Variants in PNLIPRP3 observed in about 807,000 individuals in gnomAD.
PNLIPRP3 encodes the protein pancreatic lipase-related protein 3.
In PNLIPRP3, 58 loss-of-function variants were observed where a neutral mutation model predicts 52.8. That is an observed-to-expected ratio of 1.10 (90% CI 0.89 to 1.37). The LOEUF (loss-of-function observed/expected upper bound fraction) is 1.37, where lower values mean the gene tolerates loss of function less well. Among genes scored for constraint, PNLIPRP3 ranks in the 40% most tolerant of loss-of-function variants. The pLI is 0.00. For synonymous variants in PNLIPRP3, 192 were observed against 185.0 expected (o/e 1.04, Z -0.31); for missense variants, 593 against 561.6 (o/e 1.06, Z -0.57).
intron 5 of PNLIPRP3, 126 bp from the exon 6 acceptor site, chr10:116,460,840 A>G (rs1409134446): frequency 1.4e-5 from 18 of 1,290,102 alleles, no homozygotes; most frequent in Non-Finnish European, 1.9e-5. Context: ...TAGGTTATGT[A>G]TCTGTACTTT....
In PNLIPRP3 at chr10:116,444,470, G is replaced by A. The variant is rs1254572802; in HGVS notation, c.413G>A (p.Arg138His). Residue 138 changes from arginine to histidine, a missense_variant, in exon 4 of 12, where the codon CGT becomes CAT. Arg to His is a conservative substitution (Grantham distance 29). Coordinates refer to ENST00000369230, the MANE Select transcript of PNLIPRP3 (RefSeq NM_001011709.3). ...TACATCCATGCTGTAAACAATCTCC[G>A]TGTTGTTGGTGCTGAGGTGGCTTAT... ...REYIHAVNNL[R>H]VVGAEVAYFI... 2 of 1,613,660 alleles carry A rather than the reference G, an allele frequency of 1.2e-6. No homozygotes were observed. The highest frequency in any genetic ancestry group is 1.7e-4 in the Middle Eastern group (1 of 6,060).
At chr10:116,455,354 T>C (rs1846096899) in intron 4 of PNLIPRP3, among the ~76,000 whole-genome samples, 1 of 152,198 alleles carries the variant, frequency 6.6e-6, no homozygotes, top group Non-Finnish European at 1.5e-5. Flanking sequence ...TGGATAACTG[T>C]AGGAATGAGC....
Position 116,461,074 on chromosome 10 carries a change from TC to T in PNLIPRP3, c.675del (p.Phe226LeufsTer30). ...DVIHTNAARI[L>X]FELGVGTIDA... ...ATTCATACAAATGCAGCTCGCATCC[TC>T]TTTGAGCTTGGTAAGTTTTAACAGA... is the stretch of plus-strand genomic sequence containing the variant. On this transcript the variant is annotated frameshift_variant, in exon 6 of 12. Transcript: ENST00000369230. LOFTEE classifies it high-confidence loss of function. 6.2e-7 allele frequency: 1 copy of T among 1,614,194 alleles called. No individual in the cohort carries two copies. The highest frequency in any genetic ancestry group is 8.5e-7 in the Non-Finnish European group (1 of 1,180,044).
chr10:116,443,765 ATGTG>A lies in PNLIPRP3; in HGVS notation c.325-599_325-596del, dbSNP rs1177928611. On this transcript the variant is annotated intron_variant, in intron 3 of 11. Transcript: ENST00000369230. Reference sequence around the variant, plus strand: ...TACTAATGTGTGTGTGTGTGTGTGTATGTGTGTGTGTGTGTGTGTGTATGTATGT... The same window carrying A: ...TACTAATGTGTGTGTGTGTGTGTGTATGTGTGTGTGTGTGTGTATGTATGT... Among the ~76,000 whole-genome samples, 873 of 123,310 alleles carry A rather than the reference ATGTG, an allele frequency of 7.1e-3. 16 individuals are homozygous for A. Among genetic ancestry groups the A allele is most frequent in the African/African-American group, 0.026 (740 of 28,016 alleles). The allele number at this position is 123,310 out of a possible 152,430, so 80.9% of individuals were successfully genotyped here. A position where few individuals can be genotyped will look rare whatever the true frequency, so the allele number is the denominator to read the frequency against.
chr10:116,430,573 T>C (rs567767968), intron 1 of PNLIPRP3, among the ~76,000 whole-genome samples: 1 of 152,074 alleles, frequency 6.6e-6, no homozygotes, highest in East Asian at 1.9e-4. Context: ...TCAAGGAGAG[T>C]ACAGGGGTAT....
At chr10:116,459,534 T>C (rs1462722862) in intron 5 of PNLIPRP3, among the ~76,000 whole-genome samples, 1 of 152,148 alleles carries the variant, frequency 6.6e-6, no homozygotes, top group African/African-American at 2.4e-5. Context: ...CCACATCATG[T>C]CCAAACTCCT....
chr10:116,447,392 T>G (rs1415412578), intron 4 of PNLIPRP3, among the ~76,000 whole-genome samples: 1 of 152,198 alleles, frequency 6.6e-6, no homozygotes, highest in Non-Finnish European at 1.5e-5. Context: ...TTTTTTCTAA[T>G]GTGCAAATAC....
At chr10:116,439,426 G>GT (rs1399553987) in intron 2 of PNLIPRP3, 5 of 598,968 alleles carry the variant, frequency 8.3e-6, no homozygotes, top group Non-Finnish European at 1.2e-5. Flanking sequence ...CCTACTCTAA[G>GT]TATTCACAAG....
At chr10:116,429,995 A>G (rs1316487417) in intron 1 of PNLIPRP3, among the ~76,000 whole-genome samples, 1 of 152,232 alleles carries the variant, frequency 6.6e-6, no homozygotes, top group African/African-American at 2.4e-5. Context: ...GTGTGAGGCT[A>G]GGAATGATCC....
chr10:116,455,831 G>T lies in PNLIPRP3; in HGVS notation c.565+1G>T, dbSNP rs1846105339. On this transcript the variant is annotated splice_donor_variant, in intron 5 of 11. Transcript: ENST00000369230. LOFTEE classifies it high-confidence loss of function. ...ATACCAGGCCTTGGAAGAATAACTG[G>T]TAAGCATGCCCTGCAGTTGGGCCTT... 1 of 1,607,622 alleles carries T rather than the reference G, an allele frequency of 6.2e-7. No individual in the cohort carries two copies. The highest frequency in any genetic ancestry group is 1.7e-5 in the Admixed American group (1 of 59,954).
chr10:116,437,619 C>T (rs1376886520), intron 2 of PNLIPRP3, among the ~76,000 whole-genome samples: 1 of 152,094 alleles, frequency 6.6e-6, no homozygotes, highest in African/African-American at 2.4e-5. Flanking sequence ...AGCCATGGGG[C>T]CCCATTGAGA....
chr10:116,473,883 A>G (rs1846414537), intron 10 of PNLIPRP3, among the ~76,000 whole-genome samples: 1 of 150,018 alleles, frequency 6.7e-6, no homozygotes, highest in African/African-American at 2.4e-5. Context: ...AATGCTATCT[A>G]TATTAAACTA....
chr10:116,443,034 A>G, intron 2 of PNLIPRP3, 21 bp from the exon 3 acceptor site: 1 of 1,523,782 alleles, frequency 6.6e-7, no homozygotes, highest in Non-Finnish European at 8.9e-7. Flanking sequence ...TTTTTCCTTA[A>G]TCTCTTTCTG....
At chr10:116,445,461 T>C (rs190392325) in intron 4 of PNLIPRP3, among the ~76,000 whole-genome samples, 32 of 152,246 alleles carry the variant, frequency 2.1e-4, no homozygotes, top group Non-Finnish European at 4.6e-4. Context: ...CACTTCTCTA[T>C]CTTCTCTTTC....
At chr10:116,462,324 T>TA (rs1252448315) in intron 7 of PNLIPRP3, among the ~76,000 whole-genome samples, 3 of 148,758 alleles carry the variant, frequency 2.0e-5, no homozygotes, top group Admixed American at 6.7e-5. Context: ...ATAATAATAA[T>TA]ATATATATAT....
At position 116,443,045 on chromosome 10, in the gene PNLIPRP3, C is replaced by T; in HGVS notation, c.205-10C>T. ...ATTATTTTTCCTTAATCTCTTTCTG[C>T]TTGAAACAGGAGATCAGTGCGGTTA... On this transcript the variant is annotated splice_polypyrimidine_tract_variant and intron_variant, in intron 2 of 11. Transcript: ENST00000369230. The T allele has an allele frequency of 6.4e-7, 1 of 1,557,598 alleles. No homozygotes were observed. Among genetic ancestry groups the T allele is most frequent in the Non-Finnish European group, 8.7e-7 (1 of 1,146,436 alleles).
intron 4 of PNLIPRP3, 145 bp from the exon 5 acceptor site, chr10:116,455,577 G>C (rs1045359365): frequency 3.2e-6 from 2 of 621,640 alleles, no homozygotes; most frequent in Non-Finnish European, 5.6e-6. Context: ...GTAGGCAGAG[G>C]TGTCACTTTG....
chr10:116,441,913 T>C (rs780731932), intron 2 of PNLIPRP3, among the ~76,000 whole-genome samples: 8 of 152,182 alleles, frequency 5.3e-5, no homozygotes, highest in Admixed American at 2.0e-4. Context: ...TTAGCTATTA[T>C]AATTACTGAG....
chr10:116,467,982 G>A (rs1399917999), intron 8 of PNLIPRP3, among the ~76,000 whole-genome samples: 7 of 151,810 alleles, frequency 4.6e-5, no homozygotes, highest in Non-Finnish European at 7.4e-5. Context: ...AAAATTAGCC[G>A]GGCGTGGTGG....
Sources: allele counts gnomAD v4.1 joint callset (sites outside exome capture counted in the v4.1 genomes callset), GRCh38; gene constraint gnomAD v4.1.1; transcripts MANE v1.5; gene names NCBI Gene and HGNC (gene_info 2026-07-23, HGNC 2026-07-21).